The following ZNF569 variants were observed in gnomAD, a reference collection of about 807,000 sequenced individuals.
ZNF569 encodes zinc finger protein 569.
A neutral mutation model predicts 56.3 loss-of-function variants in ZNF569; 38 were observed. That is an observed-to-expected ratio of 0.68 (90% CI 0.52 to 0.88). The LOEUF is 0.88. Among genes scored for constraint, ZNF569 ranks in the 40% least tolerant of loss-of-function variants. The pLI is 0.00. For synonymous variants in ZNF569, 241 were observed against 262.9 expected (o/e 0.92, Z 0.81); for missense variants, 666 against 809.2 (o/e 0.82, Z 2.15).
chr19:37,423,947 CTT>C (rs2041080359), intron 5 of ZNF569, among the ~76,000 whole-genome samples: 1 of 151,716 alleles, frequency 6.6e-6, no homozygotes, highest in Non-Finnish European at 1.5e-5. Flanking sequence ...GCAAAAATGA[CTT>C]TATAAAATTC....
chr19:37,445,665 G>T (rs113420754), intron 2 of ZNF569, among the ~76,000 whole-genome samples: 4,586 of 152,134 alleles, frequency 0.03, 213 homozygotes, highest in African/African-American at 0.096. Context: ...ACCAAGCTGA[G>T]AATCAAATCA....
At chr19:37,456,173 T>C (rs1012250771) in intron 2 of ZNF569, among the ~76,000 whole-genome samples, 11 of 152,188 alleles carry the variant, frequency 7.2e-5, no homozygotes, top group African/African-American at 2.4e-4. Context: ...ATTCCAACTT[T>C]TTTTTTCCTC....
rs2040876102 is a variant in ZNF569 at position 37,413,543 on chromosome 19, T to C, written c.1115A>G (p.His372Arg). 5 of 1,613,116 alleles carry C rather than the reference T, an allele frequency of 3.1e-6. No homozygotes were observed. The highest frequency in any genetic ancestry group is 1.1e-5 in the South Asian group (1 of 90,934). Residue 372 changes from histidine to arginine, a missense_variant, in exon 6 of 6, where the codon CAT becomes CGT. Transcript: ENST00000316950. ...AFSQFSMLIIHVRIHTGEKPY... is the reference protein window; with the variant it reads ...AFSQFSMLIIRVRIHTGEKPY... ...TTTTTCACCTGTATGAATTCTAACA[T>C]GTATAATAAGCATGGAAAACTGAGA...
intron 3 of ZNF569, among the ~76,000 whole-genome samples, chr19:37,428,524 T>TA (rs577659092): frequency 0.14 from 12,106 of 87,780 alleles, 884 homozygotes; most frequent in Non-Finnish European, 0.19. Context: ...CCCTGTCTCT[T>TA]AAAAAAAAAA....
At chr19:37,462,920 C>G (rs2041777700) in intron 2 of ZNF569, among the ~76,000 whole-genome samples, 1 of 152,132 alleles carries the variant, frequency 6.6e-6, no homozygotes, top group Non-Finnish European at 1.5e-5. Flanking sequence ...TATCCAACTG[C>G]CAACTTGATA....
chr19:37,448,904 C>A (rs2041546149), intron 2 of ZNF569, among the ~76,000 whole-genome samples: 2 of 152,008 alleles, frequency 1.3e-5, no homozygotes, highest in Non-Finnish European at 2.9e-5. Context: ...TTGCTTGTTT[C>A]CCCTCTAGTT....
chr19:37,444,287 A>G (rs1233865921), intron 3 of ZNF569, among the ~76,000 whole-genome samples: 1 of 152,180 alleles, frequency 6.6e-6, no homozygotes, highest in Non-Finnish European at 1.5e-5. Flanking sequence ...CTTTATATGA[A>G]TGGAACCCTA....
intron 2 of ZNF569, among the ~76,000 whole-genome samples, chr19:37,456,441 T>C (rs942501542): frequency 5.9e-5 from 9 of 152,204 alleles, no homozygotes; most frequent in Non-Finnish European, 1.2e-4. Flanking sequence ...TTATATTTTA[T>C]CTCTTAACAT....
At chr19:37,452,135 A>G (rs529035437) in intron 2 of ZNF569, among the ~76,000 whole-genome samples, 4 of 149,216 alleles carry the variant, frequency 2.7e-5, no homozygotes, top group African/African-American at 9.7e-5. Context: ...TAAAATATAG[A>G]TGTAACAGTC....
At chr19:37,457,902 C>T (rs2041699112) in intron 2 of ZNF569, among the ~76,000 whole-genome samples, 1 of 151,854 alleles carries the variant, frequency 6.6e-6, no homozygotes, top group African/African-American at 2.4e-5. Flanking sequence ...TTTTTGGAGA[C>T]AGAGTCTCGC....
At chr19:37,467,574 T>G, upstream of ZNF569, 1 of 390,622 alleles carries the variant, frequency 2.6e-6, no homozygotes, top group Non-Finnish European at 4.6e-6. Flanking sequence ...CGGCTCAGTG[T>G]GTTTAGTTCC....
chr19:37,439,986 A>T (rs1485005647), intron 3 of ZNF569, among the ~76,000 whole-genome samples: 1 of 152,242 alleles, frequency 6.6e-6, no homozygotes, highest in Non-Finnish European at 1.5e-5. Flanking sequence ...AATATTTGAT[A>T]GTGCAACAGG....
At chr19:37,414,657 T>A (rs2040898627) in intron 5 of ZNF569, among the ~76,000 whole-genome samples, 1 of 152,090 alleles carries the variant, frequency 6.6e-6, no homozygotes, top group East Asian at 1.9e-4. Context: ...TTGATTGCTT[T>A]AAAAAATGAT....
At chr19:37,454,586 C>T (rs905707301) in intron 2 of ZNF569, among the ~76,000 whole-genome samples, 13 of 152,082 alleles carry the variant, frequency 8.5e-5, no homozygotes, top group African/African-American at 3.1e-4. Context: ...CTTCATTATG[C>T]AGTGATAGGG....
Position 37,413,417 on chromosome 19 carries a change from T to TACAGAAAC in ZNF569, c.1240_1241insGTTTCTGT (p.Glu414GlyfsTer131). 1 of 1,613,592 alleles carries TACAGAAAC rather than the reference T, an allele frequency of 6.2e-7. No individual in the cohort carries two copies. Among genetic ancestry groups the TACAGAAAC allele is most frequent in the South Asian group, 1.1e-5 (1 of 90,978 alleles). On this transcript the variant is annotated frameshift_variant, in exon 6 of 6. Coordinates refer to ENST00000316950, the MANE Select transcript of ZNF569 (RefSeq NM_152484.3). LOFTEE classifies it high-confidence loss of function. ...CTTGTGGCTGAAGGCTTTTCTGCAT[T>TACAGAAAC]CCTTACATTCATAGGGTTTCTCACC...
intron 2 of ZNF569, among the ~76,000 whole-genome samples, chr19:37,451,774 T>C (rs1206398587): frequency 6.6e-6 from 1 of 152,228 alleles, no homozygotes; most frequent in Non-Finnish European, 1.5e-5. Context: ...GGTTACCATT[T>C]GCATGGATCA....
intron 2 of ZNF569, among the ~76,000 whole-genome samples, chr19:37,460,542 A>C (rs1007471240): frequency 6.6e-6 from 1 of 152,164 alleles, no homozygotes; most frequent in African/African-American, 2.4e-5. Context: ...ATTTAAAAAA[A>C]AAAAAACAAC....
chr19:37,464,386 T>G (rs2041800054), intron 2 of ZNF569, among the ~76,000 whole-genome samples: 1 of 152,160 alleles, frequency 6.6e-6, no homozygotes, highest in Non-Finnish European at 1.5e-5. Flanking sequence ...AGATGGGGTT[T>G]CACCGTGTTA....
intron 3 of ZNF569, among the ~76,000 whole-genome samples, chr19:37,444,093 A>C (rs113808509): frequency 6.6e-6 from 1 of 152,300 alleles, no homozygotes; most frequent in African/African-American, 2.4e-5. Context: ...AAAATGGACT[A>C]GTCTTAAGCA....
Sources: gnomAD v4.1 joint callset for allele counts (sites outside exome capture counted in the v4.1 genomes callset) on GRCh38, gnomAD v4.1.1 for gene constraint, MANE v1.5 for transcripts, NCBI Gene and HGNC (gene_info 2026-07-23, HGNC 2026-07-21) for gene names.